The following CNGA1 variants were observed in gnomAD, a reference collection of about 807,000 sequenced individuals.
The protein encoded by CNGA1 is cyclic nucleotide gated channel subunit alpha 1.
Under a neutral mutation model 69.7 loss-of-function variants are expected in CNGA1, and 53 were observed. That is an observed-to-expected ratio of 0.76 (90% confidence interval 0.61 to 0.96). The LOEUF (loss-of-function observed/expected upper bound fraction) is 0.96. CNGA1 is among the 40% of genes least tolerant of loss of function. The pLI is 0.00. For synonymous variants in CNGA1, 249 were observed against 283.5 expected (o/e 0.88, Z 1.22); for missense variants, 739 against 811.2 (o/e 0.91, Z 1.08).
At chr4:47,989,151 T>G (rs2110230950) in intron 2 of CNGA1, among the ~76,000 whole-genome samples, 1 of 152,286 alleles carries the variant, frequency 6.6e-6, no homozygotes, top group African/African-American at 2.4e-5. Context: ...TAGGTCAAGT[T>G]ACGTCCTTCA....
intron 4 of CNGA1, among the ~76,000 whole-genome samples, chr4:47,951,780 A>T (rs1247005197): frequency 6.6e-6 from 1 of 152,184 alleles, no homozygotes; most frequent in Non-Finnish European, 1.5e-5. Context: ...TGGGACTTAG[A>T]TCATATTATA....
intron 3 of CNGA1, among the ~76,000 whole-genome samples, chr4:47,954,036 G>A (rs541727045): frequency 6.6e-6 from 1 of 152,164 alleles, no homozygotes; most frequent in African/African-American, 2.4e-5. Flanking sequence ...AGACCTTAGC[G>A]GGCACACACA....
chr4:47,999,778 G>A (rs898570018), intron 2 of CNGA1, among the ~76,000 whole-genome samples: 13 of 152,122 alleles, frequency 8.5e-5, no homozygotes, highest in African/African-American at 3.1e-4. Context: ...GGCTGAGGTA[G>A]GAGAATCACT....
At chr4:48,002,835 T>C (rs1262533421) in intron 2 of CNGA1, among the ~76,000 whole-genome samples, 1 of 152,130 alleles carries the variant, frequency 6.6e-6, no homozygotes, top group Non-Finnish European at 1.5e-5. Flanking sequence ...GGTTTATGTC[T>C]GCACCTTAGC....
At chr4:47,987,358 G>A (rs1008975430) in intron 2 of CNGA1, among the ~76,000 whole-genome samples, 1 of 152,250 alleles carries the variant, frequency 6.6e-6, no homozygotes, top group African/African-American at 2.4e-5. Flanking sequence ...TTCAGCCAGA[G>A]TGGTCAATGA....
chr4:47,955,173 C>CTTTTTTTTTTTTTTTTT (rs377338639), intron 3 of CNGA1, among the ~76,000 whole-genome samples: 2 of 98,208 alleles, frequency 2.0e-5, no homozygotes, highest in Non-Finnish European at 3.9e-5. Context: ...TTTTTCTTTT[C>CTTTTTTTTTTTTTTTTT]TTTTTTTTTT....
chr4:47,991,760 A>AT (rs1392872483), intron 2 of CNGA1, among the ~76,000 whole-genome samples: 5 of 152,182 alleles, frequency 3.3e-5, no homozygotes, highest in Non-Finnish European at 7.4e-5. Context: ...GTCTAGAAGG[A>AT]TTTTTTCAAT....
At chr4:47,952,774 C>A (rs1206864146) in intron 3 of CNGA1, 71 bp from the exon 4 acceptor site, 1 of 1,190,870 alleles carries the variant, frequency 8.4e-7, no homozygotes, top group Admixed American at 2.5e-5. Context: ...AAAAGTTTCA[C>A]CCTATGTATT....
chr4:47,955,173 C>CTTTTTTTTTTTTTTTT (rs377338639), intron 3 of CNGA1, among the ~76,000 whole-genome samples: 3 of 98,196 alleles, frequency 3.1e-5, no homozygotes, highest in African/African-American at 4.2e-5. Context: ...TTTTTCTTTT[C>CTTTTTTTTTTTTTTTT]TTTTTTTTTT....
intron 2 of CNGA1, among the ~76,000 whole-genome samples, chr4:48,001,905 T>C (rs372784695): frequency 3.3e-5 from 5 of 152,192 alleles, no homozygotes; most frequent in Non-Finnish European, 7.3e-5. Context: ...GCTGCAGTTA[T>C]CTGGAAATCA....
intron 8 of CNGA1, 134 bp from the exon 9 acceptor site, chr4:47,942,282 G>T: frequency 1.5e-6 from 1 of 686,016 alleles, no homozygotes. Flanking sequence ...ACTCTGCAGT[G>T]TGAAGATTAG....
chr4:47,997,947 A>C (rs1023395101), intron 2 of CNGA1, among the ~76,000 whole-genome samples: 2 of 152,208 alleles, frequency 1.3e-5, no homozygotes, highest in African/African-American at 4.8e-5. Context: ...CAATACACCC[A>C]CCATAAAGTA....
chr4:48,002,683 CAAA>C (rs34405949), intron 2 of CNGA1, among the ~76,000 whole-genome samples: 85 of 117,756 alleles, frequency 7.2e-4, no homozygotes, highest in South Asian at 9.0e-4. Flanking sequence ...GTCAGACATG[CAAA>C]AAAAAAAAAA....
At chr4:47,969,480 G>GT (rs1192201987) in intron 3 of CNGA1, among the ~76,000 whole-genome samples, 19 of 151,626 alleles carry the variant, frequency 1.3e-4, no homozygotes, top group Non-Finnish European at 2.2e-4. Flanking sequence ...TCGTTTTTTT[G>GT]TTTTTTTTAG....
Position 47,940,496 on chromosome 4 carries a change from C to A in CNGA1, c.652+267G>T, listed in dbSNP as rs191681333. Among the ~76,000 whole-genome samples, 11 of 152,322 alleles carry A rather than the reference C, an allele frequency of 7.2e-5. No homozygotes were observed. The East Asian group carries it at 1.9e-3, about 27-fold the overall frequency. The stretch of plus-strand genomic sequence containing the variant: ...ATATTTCTGCTCTCTCTATTCCTCT[C>A]GCCTGGCACAAAACCAATGAACAAG... On this transcript the variant is annotated intron_variant, in intron 10 of 10. Coordinates refer to ENST00000514170, the MANE Select transcript of CNGA1 (RefSeq NM_001379270.1).
At chr4:47,949,759 T>G in intron 6 of CNGA1, 74 bp downstream of exon 6, 1 of 1,050,440 alleles carries the variant, frequency 9.5e-7, no homozygotes, top group Non-Finnish European at 1.5e-6. Flanking sequence ...TATAACAGAT[T>G]CAGATATATT....
intron 3 of CNGA1, among the ~76,000 whole-genome samples, chr4:47,975,113 A>G (rs1182496570): frequency 1.3e-5 from 2 of 152,238 alleles, no homozygotes; most frequent in African/African-American, 4.8e-5. Flanking sequence ...AAAGAAACTT[A>G]AAATGATTAA....
At chr4:47,999,794 C>T (rs1156914299) in intron 2 of CNGA1, among the ~76,000 whole-genome samples, 3 of 152,100 alleles carry the variant, frequency 2.0e-5, no homozygotes, top group African/African-American at 4.8e-5. Context: ...TCACTTGAAC[C>T]CAGGAGGCAG....
chr4:47,956,793 C>T (rs1560629211), intron 3 of CNGA1, among the ~76,000 whole-genome samples: 1 of 152,106 alleles, frequency 6.6e-6, no homozygotes, highest in Non-Finnish European at 1.5e-5. Context: ...AAGCAGAGCA[C>T]ATTCCCAGAC....
Sources: allele counts gnomAD v4.1 joint callset (sites outside exome capture counted in the v4.1 genomes callset), GRCh38; gene constraint gnomAD v4.1.1; transcripts MANE v1.5; gene names NCBI Gene and HGNC (gene_info 2026-07-23, HGNC 2026-07-21).